Variants in HS3ST3A1 observed in about 807,000 individuals in gnomAD.
HS3ST3A1 encodes the protein heparan sulfate-glucosamine 3-sulfotransferase 3A1.
HS3ST3A1 carries 19 observed loss-of-function variants against 25.7 expected under a neutral mutation model. The ratio of observed to expected loss-of-function variants is 0.74; its 90% confidence interval spans 0.52 to 1.08. The LOEUF is 1.08. HS3ST3A1 is among the 50% of genes least tolerant of loss of function. HS3ST3A1 has a pLI of 0.00. For missense variants in HS3ST3A1, 459 were observed against 594.3 expected (o/e 0.77, Z 2.37); for synonymous variants, 226 against 278.6 (o/e 0.81, Z 1.88).
intron 1 of HS3ST3A1, among the ~76,000 whole-genome samples, chr17:13,553,523 C>T (rs991732318): frequency 2.0e-5 from 3 of 152,138 alleles, no homozygotes; most frequent in Admixed American, 6.5e-5. Flanking sequence ...TTGTTGGGGT[C>T]CTCAAGACCT....
At chr17:13,600,419 C>T in intron 1 of HS3ST3A1, 112 bp downstream of exon 1, 2 of 1,410,658 alleles carry the variant, frequency 1.4e-6, no homozygotes, top group Non-Finnish European at 1.8e-6. Flanking sequence ...CCTTCGCCTT[C>T]TGCATGAAGT....
chr17:13,498,207 A>G (rs1905344545), intron 1 of HS3ST3A1, among the ~76,000 whole-genome samples: 1 of 152,164 alleles, frequency 6.6e-6, no homozygotes. Flanking sequence ...CATCTGCATT[A>G]TTTCTAGCAC....
chr17:13,576,176 A>G lies in HS3ST3A1; in HGVS notation c.599+24355T>C, dbSNP rs147754035. Among the ~76,000 whole-genome samples the G allele has an allele frequency of 4.1e-3, 623 of 152,380 alleles. 6 individuals carry two copies. The highest frequency in any genetic ancestry group is 0.014 in the African/African-American group (596 of 41,602). Reference sequence around the variant, plus strand: ...AAGGGACTCTAGACCTTAATAGCTTAAAATAACAAACATTGATTATCTCAC... The same window carrying G: ...AAGGGACTCTAGACCTTAATAGCTTGAAATAACAAACATTGATTATCTCAC... On this transcript the variant is annotated intron_variant, in intron 1 of 1. Transcript: ENST00000284110.
At chr17:13,589,121 C>T (rs1009338500) in intron 1 of HS3ST3A1, among the ~76,000 whole-genome samples, 1 of 152,202 alleles carries the variant, frequency 6.6e-6, no homozygotes, top group Non-Finnish European at 1.5e-5. Context: ...TGATTCGCTT[C>T]ATCCACACAG....
At chr17:13,578,930 C>T (rs528724347) in intron 1 of HS3ST3A1, among the ~76,000 whole-genome samples, 1 of 152,104 alleles carries the variant, frequency 6.6e-6, no homozygotes, top group African/African-American at 2.4e-5. Context: ...ATTAAATATA[C>T]AAAATATGCA....
chr17:13,529,589 C>T (rs1434770582), intron 1 of HS3ST3A1, among the ~76,000 whole-genome samples: 3 of 152,160 alleles, frequency 2.0e-5, no homozygotes, highest in African/African-American at 7.2e-5. Flanking sequence ...CACAGTGAAT[C>T]TTAGAAGTCC....
At position 13,494,215 on chromosome 17, in the gene HS3ST3A1, G is replaced by T. The variant is rs535288631; in HGVS notation, c.*1982C>A. On this transcript the variant is annotated 3_prime_UTR_variant, in exon 2 of 2. Coordinates refer to ENST00000284110, the MANE Select transcript of HS3ST3A1 (RefSeq NM_006042.3). ...GACAAGAGTTTAAAATGAGTATCTT[G>T]TTGCAGCTAGTGATTCAAGTAGAAT... Among the ~76,000 whole-genome samples the T allele has an allele frequency of 2.6e-5, 4 of 152,356 alleles. No individual in the cohort carries two copies. The South Asian group carries it at 8.3e-4, about 32-fold the overall frequency.
intron 1 of HS3ST3A1, among the ~76,000 whole-genome samples, chr17:13,570,779 T>C (rs753717455): frequency 1.1e-4 from 16 of 152,242 alleles, no homozygotes; most frequent in Non-Finnish European, 1.9e-4. Context: ...CTACAACTTA[T>C]TTAAACACAG....
chr17:13,584,436 GAAGA>G (rs775230882), intron 1 of HS3ST3A1, among the ~76,000 whole-genome samples: 5 of 136,082 alleles, frequency 3.7e-5, no homozygotes, highest in African/African-American at 8.1e-5. Context: ...AAAAAAAAAA[GAAGA>G]AAGAGAGAGA....
chr17:13,539,869 T>C (rs750632122), intron 1 of HS3ST3A1, among the ~76,000 whole-genome samples: 2 of 152,234 alleles, frequency 1.3e-5, no homozygotes, highest in African/African-American at 2.4e-5. Context: ...TTAACTTCTT[T>C]ACTCATTTTA....
intron 1 of HS3ST3A1, among the ~76,000 whole-genome samples, chr17:13,579,067 A>G (rs1295609069): frequency 6.6e-6 from 1 of 152,206 alleles, no homozygotes; most frequent in Non-Finnish European, 1.5e-5. Context: ...TCAAAAAAGA[A>G]AGCCATTCAT....
intron 1 of HS3ST3A1, among the ~76,000 whole-genome samples, chr17:13,519,153 G>A (rs1906145029): frequency 6.6e-6 from 1 of 152,146 alleles, no homozygotes; most frequent in Non-Finnish European, 1.5e-5. Flanking sequence ...AAATTGAATT[G>A]CTGTTTTTGC....
chr17:13,570,846 C>T (rs934961452), intron 1 of HS3ST3A1, among the ~76,000 whole-genome samples: 12 of 152,140 alleles, frequency 7.9e-5, no homozygotes, highest in African/African-American at 1.4e-4. Context: ...TAGGTTCCTA[C>T]GCATCTCAGT....
Position 13,496,091 on chromosome 17 carries a change from A to G in HS3ST3A1, c.*106T>C. 1 of 1,308,532 alleles carries G rather than the reference A, an allele frequency of 7.6e-7. No individual in the cohort carries two copies. Among genetic ancestry groups the G allele is most frequent in the South Asian group, 1.8e-5 (1 of 54,922 alleles). The allele number at this position is 1,308,532 out of a possible 1,614,324, so 81.1% of individuals were successfully genotyped here. ...CAATCTCTTAACATTCATTGAAAAAAATACTGAAACATATTTTCAGCACAA... is the reference window on the plus strand; with the variant it reads ...CAATCTCTTAACATTCATTGAAAAAGATACTGAAACATATTTTCAGCACAA... On this transcript the variant is annotated 3_prime_UTR_variant, in exon 2 of 2. Transcript: ENST00000284110.
At chr17:13,561,195 A>G (rs1304821202) in intron 1 of HS3ST3A1, among the ~76,000 whole-genome samples, 2 of 152,166 alleles carry the variant, frequency 1.3e-5, no homozygotes, top group African/African-American at 4.8e-5. Context: ...AGGAGATTCT[A>G]ACAAGCAGCC....
intron 1 of HS3ST3A1, among the ~76,000 whole-genome samples, chr17:13,594,800 T>C (rs1908529736): frequency 6.7e-6 from 1 of 149,896 alleles, no homozygotes; most frequent in African/African-American, 2.4e-5. Context: ...TCATCCTTAC[T>C]AGACAGATCA....
At chr17:13,580,747 C>T (rs1405607885) in intron 1 of HS3ST3A1, among the ~76,000 whole-genome samples, 2 of 152,104 alleles carry the variant, frequency 1.3e-5, no homozygotes, top group East Asian at 1.9e-4. Context: ...CAAAATTAGC[C>T]GGACGTGGTG....
chr17:13,540,629 T>C (rs1906904767), intron 1 of HS3ST3A1, among the ~76,000 whole-genome samples: 1 of 152,250 alleles, frequency 6.6e-6, no homozygotes, highest in African/African-American at 2.4e-5. Context: ...ACTTTCAAAA[T>C]ATTTTTTCAA....
At chr17:13,585,040 T>TTGATACCAC (rs1274504774) in intron 1 of HS3ST3A1, among the ~76,000 whole-genome samples, 4 of 152,110 alleles carry the variant, frequency 2.6e-5, no homozygotes, top group African/African-American at 9.7e-5. Flanking sequence ...TCTGTAGTAT[T>TTGATACCAC]TGATACCACG....
Sources: gnomAD v4.1 joint callset for allele counts (sites outside exome capture counted in the v4.1 genomes callset) on GRCh38, gnomAD v4.1.1 for gene constraint, MANE v1.5 for transcripts, NCBI Gene and HGNC (gene_info 2026-07-23, HGNC 2026-07-21) for gene names.